Variants in KALRN observed in about 807,000 individuals in gnomAD.
The protein encoded by KALRN is kalirin.
A neutral mutation model predicts 353.7 loss-of-function variants in KALRN; 70 were observed. That is an observed-to-expected ratio of 0.20 (90% CI 0.16 to 0.24). KALRN has a LOEUF of 0.24. KALRN is among the 10% of genes least tolerant of loss of function. The pLI, the probability that KALRN is intolerant of heterozygous loss-of-function variation, is 1.00. For synonymous variants in KALRN, 1,391 were observed against 1,434.8 expected (o/e 0.97, Z 0.69); for missense variants, 2,791 against 3,756.7 (o/e 0.74, Z 6.72).
At chr3:124,435,259 C>T (rs552656725) in intron 17 of KALRN, among the ~76,000 whole-genome samples, 1 of 152,276 alleles carries the variant, frequency 6.6e-6, no homozygotes, top group East Asian at 1.9e-4. Context: ...ACACATGGTT[C>T]TTTCATTCCT....
At chr3:124,156,457 T>TCAAGG (rs1375280510) in intron 1 of KALRN, among the ~76,000 whole-genome samples, 1 of 152,196 alleles carries the variant, frequency 6.6e-6, no homozygotes, top group African/African-American at 2.4e-5. Flanking sequence ...TCACCTGACC[T>TCAAGG]CAAGTCTTGC....
rs770232422 is a variant in KALRN at position 124,462,593 on chromosome 3, A to G, written c.3991A>G (p.Ile1331Val). 1.2e-6 allele frequency: 2 copies of G among 1,612,198 alleles called. No individual in the cohort carries two copies. Residue 1331 changes from isoleucine (I) to valine (V), a missense_variant, in exon 25 of 60, where the codon ATC becomes GTC. Physicochemically the swap from Ile to Val is conservative, Grantham distance 29 (BLOSUM62 3). Around this residue, in one of 11 missense-constraint regions of KALRN, gnomAD observed 268 missense variants for 347.0 expected, o/e 0.77. Transcript: ENST00000682506. ...TGGGATCCTCAATAAAGAGCATATC[A>G]TCTTTGGCAACATCCAAGAGATCTA... is the stretch of plus-strand genomic sequence containing the variant. ...PPGILNKEHI[I>V]FGNIQEIYDF...
intron 34 of KALRN, among the ~76,000 whole-genome samples, chr3:124,604,709 C>T (rs1230570405): frequency 6.6e-6 from 1 of 151,988 alleles, no homozygotes; most frequent in African/African-American, 2.4e-5. Context: ...ATTTTAGAGA[C>T]AGGGTCTCAC....
intron 1 of KALRN, among the ~76,000 whole-genome samples, chr3:124,142,759 C>A (rs535520348): frequency 6.6e-6 from 1 of 152,244 alleles, no homozygotes; most frequent in Middle Eastern, 3.4e-3. Flanking sequence ...CTCCACCCCC[C>A]ACCCACTCCC....
intron 34 of KALRN, among the ~76,000 whole-genome samples, chr3:124,590,873 A>C (rs547076903): frequency 6.6e-6 from 1 of 152,324 alleles, no homozygotes; most frequent in South Asian, 2.1e-4. Context: ...CCTTTTATAC[A>C]GGAGAAAATG....
intron 10 of KALRN, among the ~76,000 whole-genome samples, chr3:124,373,778 A>G (rs956691953): frequency 5.3e-5 from 8 of 152,160 alleles, no homozygotes; most frequent in African/African-American, 1.9e-4. Flanking sequence ...CATCTTAACT[A>G]ATTATATCTG....
chr3:124,257,316 C>A (rs2072158757), intron 3 of KALRN, among the ~76,000 whole-genome samples: 1 of 152,176 alleles, frequency 6.6e-6, no homozygotes, highest in Non-Finnish European at 1.5e-5. Context: ...GAATCCTGAG[C>A]TTTATCCCAG....
intron 1 of KALRN, among the ~76,000 whole-genome samples, chr3:124,207,933 G>A (rs1244280465): frequency 1.3e-5 from 2 of 152,180 alleles, no homozygotes; most frequent in Non-Finnish European, 2.9e-5. Context: ...GTTCTGTGAG[G>A]TAAGTGATCA....
At chr3:124,265,215 C>G (rs143062667) in intron 4 of KALRN, among the ~76,000 whole-genome samples, 1,816 of 151,388 alleles carry the variant, frequency 0.012, 34 homozygotes, top group African/African-American at 0.041. Flanking sequence ...ACTATAATTC[C>G]TCTACTGTGC....
chr3:124,304,387 G>T (rs951955146), intron 6 of KALRN, among the ~76,000 whole-genome samples: 1 of 152,108 alleles, frequency 6.6e-6, no homozygotes. Flanking sequence ...TAATCTCTGG[G>T]AGTAGGACCC....
At chr3:124,191,684 C>A (rs1010525579) in intron 1 of KALRN, among the ~76,000 whole-genome samples, 5 of 152,050 alleles carry the variant, frequency 3.3e-5, no homozygotes, top group Admixed American at 6.6e-5. Context: ...GTATAGTCTC[C>A]CTACATGGCT....
At chr3:124,616,690 G>A (rs992059797) in intron 34 of KALRN, among the ~76,000 whole-genome samples, 2 of 152,288 alleles carry the variant, frequency 1.3e-5, no homozygotes, top group Middle Eastern at 6.8e-3. Flanking sequence ...AACTGGCCAG[G>A]CGCGGTAGCT....
At chr3:124,643,276 G>C (rs915120121) in intron 37 of KALRN, among the ~76,000 whole-genome samples, 4 of 152,280 alleles carry the variant, frequency 2.6e-5, no homozygotes, top group African/African-American at 9.6e-5. Flanking sequence ...GCCTCCCAAA[G>C]TGCCAGGATT....
intron 1 of KALRN, among the ~76,000 whole-genome samples, chr3:124,075,319 A>G (rs2060209299): frequency 6.6e-6 from 1 of 152,204 alleles, no homozygotes; most frequent in Non-Finnish European, 1.5e-5. Flanking sequence ...TTCATTTGTC[A>G]GTCGGGTTCT....
intron 1 of KALRN, among the ~76,000 whole-genome samples, chr3:124,067,107 A>G (rs1410576660): frequency 1.3e-5 from 2 of 152,218 alleles, no homozygotes; most frequent in Admixed American, 6.5e-5. Context: ...TCCTTCAGAT[A>G]AGAAAACAGT....
At chr3:124,274,194 C>A (rs539480376) in intron 5 of KALRN, among the ~76,000 whole-genome samples, 1 of 152,218 alleles carries the variant, frequency 6.6e-6, no homozygotes, top group South Asian at 2.1e-4. Flanking sequence ...TAGAAGCAGC[C>A]GTGAAGTCCA....
intron 3 of KALRN, among the ~76,000 whole-genome samples, chr3:124,240,599 ACT>A (rs1450539598): frequency 4.6e-5 from 7 of 151,930 alleles, no homozygotes; most frequent in Non-Finnish European, 8.8e-5. Flanking sequence ...CCTTGACCCC[ACT>A]CTCTTCCCAT....
intron 34 of KALRN, among the ~76,000 whole-genome samples, chr3:124,617,936 C>A (rs1163620986): frequency 6.6e-6 from 1 of 152,052 alleles, no homozygotes; most frequent in East Asian, 1.9e-4. Context: ...CAAAGCGATA[C>A]AATTGCTCTG....
At chr3:124,439,188 T>TCACACACACACACACACACACACACACA (rs1491329331) in intron 18 of KALRN, 151 bp downstream of exon 18, 4 of 363,318 alleles carry the variant, frequency 1.1e-5, no homozygotes, top group Admixed American at 1.1e-4. Flanking sequence ...TTCTTCTCCT[T>TCACACACACACACACACACACACACACA]CTCTCTCTCT....
Sources: allele counts gnomAD v4.1 joint callset (sites outside exome capture counted in the v4.1 genomes callset), GRCh38; gene constraint gnomAD v4.1.1; regional missense constraint gnomAD v4.1.1; transcripts MANE v1.5; gene names NCBI Gene and HGNC (gene_info 2026-07-23, HGNC 2026-07-21).